RBFOX1: variants seen among roughly 807,000 people sequenced by gnomAD.
RBFOX1 encodes RNA binding protein fox-1 homolog 1.
Under a neutral mutation model 57.7 loss-of-function variants are expected in RBFOX1, and 8 were observed. That is an observed-to-expected ratio of 0.14 (90% CI 0.08 to 0.25). The LOEUF (loss-of-function observed/expected upper bound fraction) is 0.25. RBFOX1 is among the 10% of genes least tolerant of loss of function. The pLI, the probability that RBFOX1 is intolerant of heterozygous loss-of-function variation, is 1.00. For missense variants in RBFOX1, 611 were observed against 548.5 expected (o/e 1.11, Z -1.14); for synonymous variants, 326 against 222.4 (o/e 1.47, Z -4.15).
intron 2 of RBFOX1, among the ~76,000 whole-genome samples, chr16:6,360,216 C>G (rs570079005): frequency 6.6e-6 from 1 of 151,780 alleles, no homozygotes; most frequent in African/African-American, 2.4e-5. Context: ...ATTTCTTATA[C>G]ATCATTGTGT....
intron 4 of RBFOX1, among the ~76,000 whole-genome samples, chr16:7,448,004 T>C (rs558523847): frequency 6.6e-6 from 1 of 152,296 alleles, no homozygotes; most frequent in African/African-American, 2.4e-5. Flanking sequence ...TTCCACTCTT[T>C]AGAAACACCC....
At chr16:7,336,981 G>A (rs1488646329) in intron 4 of RBFOX1, among the ~76,000 whole-genome samples, 1 of 152,120 alleles carries the variant, frequency 6.6e-6, no homozygotes, top group Admixed American at 6.5e-5. Flanking sequence ...ACCCTGCTGA[G>A]GGCTTTACAT....
intron 1 of RBFOX1, among the ~76,000 whole-genome samples, chr16:6,130,300 A>G (rs548696730): frequency 1.3e-5 from 2 of 152,250 alleles, no homozygotes; most frequent in South Asian, 4.1e-4. Context: ...TAGTTTTTAT[A>G]TTTTAACAGA....
chr16:6,890,657 G>A (rs2065199189), intron 3 of RBFOX1, among the ~76,000 whole-genome samples: 1 of 152,166 alleles, frequency 6.6e-6, no homozygotes, highest in Non-Finnish European at 1.5e-5. Context: ...CCTATCTAGG[G>A]ATTTATCTCC....
chr16:7,697,408 C>G lies in RBFOX1; in HGVS notation c.996-11648C>G, dbSNP rs73496973. On this transcript the variant is annotated intron_variant, in intron 14 of 15. Transcript: ENST00000550418. Reference sequence around the variant, plus strand: ...TCCCTGAGGAAAGCAAACCCTTTATCCCTGTAGTAATTGTCCCTTGTTGAG... The same window carrying G: ...TCCCTGAGGAAAGCAAACCCTTTATGCCTGTAGTAATTGTCCCTTGTTGAG... 1.8e-3 allele frequency among the ~76,000 whole-genome samples: 271 copies of G among 152,274 alleles called. 1 individual carries two copies. Among genetic ancestry groups the G allele is most frequent in the African/African-American group, 6.4e-3 (266 of 41,546 alleles).
At chr16:6,236,899 C>T (rs751031309) in intron 1 of RBFOX1, among the ~76,000 whole-genome samples, 3 of 152,102 alleles carry the variant, frequency 2.0e-5, no homozygotes, top group Non-Finnish European at 4.4e-5. Context: ...AAGCCATATG[C>T]CCAAGGTCAC....
chr16:5,611,525 C>T (rs1031294356), intron 3 of RBFOX1: 1 of 152,146 alleles, frequency 6.6e-6, no homozygotes, highest in Non-Finnish European at 1.5e-5. Context: ...TCTTCAGTAG[C>T]CTTTTGCTTT....
intron 4 of RBFOX1, among the ~76,000 whole-genome samples, chr16:7,073,867 C>T (rs1436103619): frequency 1.3e-5 from 2 of 150,996 alleles, no homozygotes; most frequent in East Asian, 2.0e-4. Context: ...ATAAAAATAA[C>T]AAATAAATAA....
intron 4 of RBFOX1, among the ~76,000 whole-genome samples, chr16:7,176,673 G>A (rs191146181): frequency 0.02 from 2,969 of 152,092 alleles, 97 homozygotes; most frequent in African/African-American, 0.067. Flanking sequence ...TACTGGAAAA[G>A]GTTTCCGATC....
chr16:6,203,956 G>T (rs1413451595), intron 1 of RBFOX1, among the ~76,000 whole-genome samples: 1 of 150,642 alleles, frequency 6.6e-6, no homozygotes, highest in African/African-American at 2.4e-5. Flanking sequence ...ACCTGTTGGT[G>T]GCTCTGCCAG....
intron 3 of RBFOX1, among the ~76,000 whole-genome samples, chr16:5,756,250 C>T (rs1219892899): frequency 1.5e-5 from 2 of 135,262 alleles, no homozygotes; most frequent in African/African-American, 5.6e-5. Context: ...AAAAAAAAAC[C>T]CTGCACCACC....
intron 2 of RBFOX1, among the ~76,000 whole-genome samples, chr16:5,502,932 G>T (rs1435415007): frequency 6.6e-6 from 1 of 152,202 alleles, no homozygotes; most frequent in East Asian, 1.9e-4. Flanking sequence ...CCCTGCAGAG[G>T]AAATTCTGAT....
chr16:5,424,935 C>CTTTGTTTCTT lies in RBFOX1; in HGVS notation c.220-42280_220-42279insTTGTTTCTTT, dbSNP rs1421644138. 2.2e-4 allele frequency among the ~76,000 whole-genome samples: 14 copies of CTTTGTTTCTT among 63,986 alleles called. 1 individual carries two copies. The highest frequency in any genetic ancestry group is 5.6e-4 in the Admixed American group (3 of 5,336). The allele number at this position is 63,986 out of a possible 152,430, so 42.0% of individuals were successfully genotyped here. On this transcript the variant is annotated intron_variant, in intron 1 of 2. Transcript: ENST00000585867. ...TCTTTCTTTCTTTCTTTCTTTCTTT[C>CTTTGTTTCTT]TCTCTCTTCTTTCTTCCTTTGTTTC...
intron 1 of RBFOX1, among the ~76,000 whole-genome samples, chr16:5,444,558 G>A (rs992732494): frequency 2.6e-5 from 4 of 152,152 alleles, no homozygotes; most frequent in South Asian, 2.1e-4. Flanking sequence ...GCTGTAACCC[G>A]GGGAGGAGAA....
intron 3 of RBFOX1, among the ~76,000 whole-genome samples, chr16:6,883,188 A>G (rs1013931540): frequency 5.9e-5 from 9 of 152,196 alleles, no homozygotes; most frequent in African/African-American, 2.2e-4. Flanking sequence ...AATGTTCTGA[A>G]CCTAAGCAAT....
At chr16:5,501,429 C>T (rs879715560) in intron 2 of RBFOX1, among the ~76,000 whole-genome samples, 76 of 151,452 alleles carry the variant, frequency 5.0e-4, no homozygotes, top group African/African-American at 1.5e-3. Flanking sequence ...ACTATGCGGA[C>T]GCCCTGTCGA....
At chr16:5,700,287 T>G (rs192246439) in intron 3 of RBFOX1, among the ~76,000 whole-genome samples, 53 of 152,350 alleles carry the variant, frequency 3.5e-4, no homozygotes, top group African/African-American at 1.2e-3. Context: ...AAAGCCCACT[T>G]TGACAGTTTT....
At chr16:7,137,288 G>T (rs1355866878) in intron 4 of RBFOX1, among the ~76,000 whole-genome samples, 1 of 152,126 alleles carries the variant, frequency 6.6e-6, no homozygotes, top group Non-Finnish European at 1.5e-5. Flanking sequence ...CGGTTTGGCT[G>T]TGTCCCCAGC....
At chr16:7,073,114 G>C (rs1380211731) in intron 4 of RBFOX1, among the ~76,000 whole-genome samples, 1 of 152,188 alleles carries the variant, frequency 6.6e-6, no homozygotes, top group Non-Finnish European at 1.5e-5. Flanking sequence ...GACTTTAGGA[G>C]TAAAGTGTGT....
Sources: allele counts gnomAD v4.1 joint callset (sites outside exome capture counted in the v4.1 genomes callset), GRCh38; gene constraint gnomAD v4.1.1; transcripts MANE v1.5; gene names NCBI Gene and HGNC (gene_info 2026-07-23, HGNC 2026-07-21).